MAML2: variants seen among roughly 807,000 people sequenced by gnomAD.
The protein encoded by MAML2 is mastermind like transcriptional coactivator 2, also known as mastermind-like protein 2.
In MAML2, 22 loss-of-function variants were observed where a neutral mutation model predicts 96.1. The observed-to-expected ratio is 0.23, with a 90% confidence interval of 0.16 to 0.33. The LOEUF (loss-of-function observed/expected upper bound fraction) is 0.33. Among genes scored for constraint, MAML2 ranks in the 10% least tolerant of loss-of-function variants. The pLI, the probability that MAML2 is intolerant of heterozygous loss-of-function variation, is 1.00. For synonymous variants in MAML2, 561 were observed against 521.3 expected, an observed-to-expected ratio of 1.08 and a Z score of -1.04; for missense variants, 1,367 against 1,392.4, an observed-to-expected ratio of 0.98 and a Z score of 0.29.
At chr11:96,088,791 G>A (rs1354915084) in intron 2 of MAML2, among the ~76,000 whole-genome samples, 1 of 152,084 alleles carries the variant, frequency 6.6e-6, no homozygotes, top group Non-Finnish European at 1.5e-5. Flanking sequence ...GAAAATAGAG[G>A]TAGGTACACA....
intron 1 of MAML2, among the ~76,000 whole-genome samples, chr11:96,107,566 C>T (rs1365596555): frequency 6.6e-6 from 1 of 152,178 alleles, no homozygotes; most frequent in Non-Finnish European, 1.5e-5. Context: ...ATAAGTGTTT[C>T]TTTGTAAGCT....
At chr11:96,050,802 A>G (rs572397285) in intron 2 of MAML2, among the ~76,000 whole-genome samples, 82 of 152,320 alleles carry the variant, frequency 5.4e-4, no homozygotes, top group Admixed American at 1.2e-3. Flanking sequence ...ACTGACTCCT[A>G]TGGGAAATAA....
chr11:95,988,113 A>ATGTGTGTG (rs141507951), intron 3 of MAML2, among the ~76,000 whole-genome samples: 1,537 of 145,444 alleles, frequency 0.011, 17 homozygotes, highest in South Asian at 0.023. Flanking sequence ...TGAAGACAGG[A>ATGTGTGTG]TGTGTGTGTG....
At chr11:96,114,559 T>C (rs574756558) in intron 1 of MAML2, among the ~76,000 whole-genome samples, 2 of 152,300 alleles carry the variant, frequency 1.3e-5, no homozygotes, top group South Asian at 4.2e-4. Flanking sequence ...CCCTAGACTC[T>C]TAGTGATTTA....
intron 4 of MAML2, among the ~76,000 whole-genome samples, chr11:95,983,272 A>C (rs2509081): frequency 0.042 from 6,451 of 152,266 alleles, 183 homozygotes; most frequent in Middle Eastern, 0.082. Flanking sequence ...TTAAAAAATA[A>C]AAACAAAAAA....
chr11:96,093,406 CAACACG>C lies in MAML2; in HGVS notation c.619_624del (p.Arg207_Val208del), dbSNP rs1445005530. The C allele has an allele frequency of 5.6e-6, 9 of 1,614,012 alleles. No homozygotes were observed. Among genetic ancestry groups the C allele is most frequent in the Non-Finnish European group, 7.6e-6 (9 of 1,179,900 alleles). On this transcript the variant is annotated inframe_deletion, in exon 2 of 5. Transcript: ENST00000524717. ...CCTTGTCCTGCAGAGAGATTCTCCC[CAACACG>C]AATTCTTTTGATATCAAGAAATGAG... is the stretch of plus-strand genomic sequence containing the variant.
At chr11:96,120,179 G>A (rs182070930) in intron 1 of MAML2, among the ~76,000 whole-genome samples, 1,605 of 152,152 alleles carry the variant, frequency 0.011, 10 homozygotes, top group Middle Eastern at 0.017. Flanking sequence ...GGATGGTCTC[G>A]ATCTCCTGAC....
intron 2 of MAML2, among the ~76,000 whole-genome samples, chr11:96,040,184 C>A (rs191798503): frequency 1.3e-5 from 2 of 152,114 alleles, no homozygotes; most frequent in African/African-American, 4.8e-5. Context: ...ACAGATAAAG[C>A]AGACATAAAA....
intron 1 of MAML2, among the ~76,000 whole-genome samples, chr11:96,198,641 CAG>C (rs745956607): frequency 7.2e-5 from 11 of 152,136 alleles, no homozygotes; most frequent in Non-Finnish European, 1.3e-4. Flanking sequence ...TGTGAACAGA[CAG>C]AGTAGAGAGT....
chr11:96,124,337 G>A (rs926448159), intron 1 of MAML2, among the ~76,000 whole-genome samples: 2 of 152,122 alleles, frequency 1.3e-5, no homozygotes, highest in African/African-American at 2.4e-5. Context: ...AGCTAGGTGG[G>A]GAGGAGTGGT....
intron 1 of MAML2, among the ~76,000 whole-genome samples, chr11:96,244,327 A>C (rs1862483763): frequency 6.6e-6 from 1 of 152,238 alleles, no homozygotes; most frequent in African/African-American, 2.4e-5. Flanking sequence ...ATGACGTGTA[A>C]GAACGTTTTC....
chr11:96,021,339 A>C (rs1310027989), intron 2 of MAML2, among the ~76,000 whole-genome samples: 1 of 152,196 alleles, frequency 6.6e-6, no homozygotes, highest in African/African-American at 2.4e-5. Context: ...GAAAATCGAT[A>C]TATTTCAGGT....
At chr11:96,174,984 C>A (rs904246878) in intron 1 of MAML2, among the ~76,000 whole-genome samples, 10 of 152,184 alleles carry the variant, frequency 6.6e-5, no homozygotes, top group Non-Finnish European at 1.2e-4. Context: ...CATTTCCGAG[C>A]ACTTTGGAAA....
At chr11:96,254,985 T>A (rs1409229052) in intron 1 of MAML2, among the ~76,000 whole-genome samples, 2 of 151,854 alleles carry the variant, frequency 1.3e-5, no homozygotes, top group South Asian at 2.1e-4. Context: ...CCAGCTAAAA[T>A]TTTTTTGGCA....
intron 1 of MAML2, among the ~76,000 whole-genome samples, chr11:96,321,972 T>G (rs150129168): frequency 0.013 from 1,947 of 152,302 alleles, 33 homozygotes; most frequent in African/African-American, 0.042. Context: ...TGTTGTTGTT[T>G]TTTTCCTTAT....
intron 1 of MAML2, among the ~76,000 whole-genome samples, chr11:96,108,212 G>A (rs1283349824): frequency 2.0e-5 from 3 of 152,204 alleles, no homozygotes; most frequent in African/African-American, 7.2e-5. Context: ...CGTGTCAGCT[G>A]GAAAATTGCT....
At chr11:96,035,268 G>A (rs1858692079) in intron 2 of MAML2, among the ~76,000 whole-genome samples, 1 of 152,194 alleles carries the variant, frequency 6.6e-6, no homozygotes, top group African/African-American at 2.4e-5. Context: ...CGCTAGACTG[G>A]AAGAAAGCTA....
chr11:96,120,767 G>C (rs1179611807), intron 1 of MAML2, among the ~76,000 whole-genome samples: 1 of 152,156 alleles, frequency 6.6e-6, no homozygotes, highest in Non-Finnish European at 1.5e-5. Flanking sequence ...TGGGGACCAA[G>C]AATTGTATTT....
intron 1 of MAML2, among the ~76,000 whole-genome samples, chr11:96,140,622 T>G (rs986817161): frequency 5.3e-5 from 8 of 152,198 alleles, no homozygotes; most frequent in African/African-American, 1.9e-4. Context: ...CCTGGAGCAG[T>G]GCTGCCAGAG....
Sources: gnomAD v4.1 joint callset for allele counts (sites outside exome capture counted in the v4.1 genomes callset) on GRCh38, gnomAD v4.1.1 for gene constraint, MANE v1.5 for transcripts, NCBI Gene and HGNC (gene_info 2026-07-23, HGNC 2026-07-21) for gene names.